STAU2: variants seen among roughly 807,000 people sequenced by gnomAD.
STAU2 encodes the protein staufen double-stranded RNA binding protein 2.
STAU2 carries 20 observed loss-of-function variants against 65.9 expected under a neutral mutation model. The ratio of observed to expected loss-of-function variants is 0.30; its 90% CI spans 0.21 to 0.44. The LOEUF (loss-of-function observed/expected upper bound fraction) is 0.44, where lower values mean the gene tolerates loss of function less well. Among genes scored for constraint, STAU2 ranks in the 20% least tolerant of loss-of-function variants. STAU2 has a pLI of 1.00. For missense variants in STAU2, 558 were observed against 683.9 expected, an observed-to-expected ratio of 0.82 and a Z score of 2.05; for synonymous variants, 232 against 233.9, an observed-to-expected ratio of 0.99 and a Z score of 0.07.
intron 13 of STAU2, among the ~76,000 whole-genome samples, chr8:73,502,711 T>C (rs1821833173): frequency 6.6e-6 from 1 of 152,112 alleles, no homozygotes; most frequent in African/African-American, 2.4e-5. Context: ...TAAAATTCCT[T>C]AAGCATTTTG....
chr8:73,624,907 G>A (rs1192689712), intron 6 of STAU2, among the ~76,000 whole-genome samples: 1 of 152,214 alleles, frequency 6.6e-6, no homozygotes, highest in Non-Finnish European at 1.5e-5. Context: ...AGAAGACCAA[G>A]TTGACTGCAA....
chr8:73,622,222 G>A (rs1224534354), intron 6 of STAU2, among the ~76,000 whole-genome samples: 3 of 103,280 alleles, frequency 2.9e-5, no homozygotes, highest in Non-Finnish European at 5.3e-5. Context: ...GCCCCCTGGG[G>A]TTCACGCCAT....
At chr8:73,747,338 C>T (rs115200959), upstream of STAU2, 42 of 1,528,486 alleles carry the variant, frequency 2.7e-5, no homozygotes, top group African/African-American at 5.4e-4. Context: ...CCCGACTGAC[C>T]GTCTGCTCTT....
chr8:73,616,759 C>G (rs1242457987), intron 7 of STAU2, among the ~76,000 whole-genome samples: 1 of 151,640 alleles, frequency 6.6e-6, no homozygotes, highest in African/African-American at 2.4e-5. Flanking sequence ...GATCCTGCCA[C>G]TGCATTCCAG....
chr8:73,738,436 C>A, intron 2 of STAU2, 87 bp from the exon 3 acceptor site: 1 of 908,626 alleles, frequency 1.1e-6, no homozygotes, highest in South Asian at 1.7e-5. Context: ...TGATCAAAAT[C>A]AAATATAAAA....
At chr8:73,465,006 CTTATAA>C (rs1008290538) in intron 13 of STAU2, among the ~76,000 whole-genome samples, 5 of 152,188 alleles carry the variant, frequency 3.3e-5, no homozygotes, top group Non-Finnish European at 5.9e-5. Context: ...AACCAAAAAA[CTTATAA>C]GAATAAACAG....
chr8:73,633,651 G>C (rs544844603), intron 6 of STAU2, among the ~76,000 whole-genome samples: 1 of 152,178 alleles, frequency 6.6e-6, no homozygotes, highest in South Asian at 2.1e-4. Context: ...AGTACATGAG[G>C]AGCTTTAAAA....
chr8:73,711,879 G>A (rs552678254), intron 3 of STAU2, among the ~76,000 whole-genome samples: 2 of 152,084 alleles, frequency 1.3e-5, no homozygotes, highest in African/African-American at 4.8e-5. Flanking sequence ...GTTTAAAGTT[G>A]ATAACTTAGG....
At chr8:73,714,227 T>C (rs1019739052) in intron 3 of STAU2, among the ~76,000 whole-genome samples, 1 of 152,146 alleles carries the variant, frequency 6.6e-6, no homozygotes, top group Non-Finnish European at 1.5e-5. Flanking sequence ...TATGTCTCTT[T>C]ACTGGTTCCC....
chr8:73,657,875 G>A (rs1816501160), intron 6 of STAU2, among the ~76,000 whole-genome samples: 2 of 151,982 alleles, frequency 1.3e-5, no homozygotes, highest in Admixed American at 1.3e-4. Context: ...TTAGCTGGGT[G>A]TGGTGGCGCA....
chr8:73,488,485 C>G (rs1317944910), intron 13 of STAU2, among the ~76,000 whole-genome samples: 1 of 151,854 alleles, frequency 6.6e-6, no homozygotes, highest in Non-Finnish European at 1.5e-5. Flanking sequence ...AATGACCACC[C>G]AATTAAGCTA....
intron 13 of STAU2, among the ~76,000 whole-genome samples, chr8:73,425,184 A>T (rs67232015): frequency 0.3 from 45,790 of 152,150 alleles, 7,702 homozygotes; most frequent in East Asian, 0.39. Context: ...ATGGGGCCTT[A>T]TAGAATGTGG....
At chr8:73,699,401 T>C (rs1389075598) in intron 4 of STAU2, among the ~76,000 whole-genome samples, 2 of 150,482 alleles carry the variant, frequency 1.3e-5, no homozygotes, top group African/African-American at 4.9e-5. Flanking sequence ...TTTGAGAAGA[T>C]AAACAAAATT....
intron 3 of STAU2, among the ~76,000 whole-genome samples, chr8:73,719,509 A>T (rs1208375470): frequency 6.6e-6 from 1 of 152,210 alleles, no homozygotes; most frequent in East Asian, 1.9e-4. Flanking sequence ...TAGTTTGCTG[A>T]GAGTCTTTAT....
chr8:73,510,553 CA>C (rs1429898036), intron 13 of STAU2, among the ~76,000 whole-genome samples: 1 of 152,140 alleles, frequency 6.6e-6, no homozygotes, highest in Non-Finnish European at 1.5e-5. Context: ...AAGACACACT[CA>C]AGACTGGGTA....
At chr8:73,744,297 C>T (rs769400879) in intron 1 of STAU2, among the ~76,000 whole-genome samples, 1 of 151,924 alleles carries the variant, frequency 6.6e-6, no homozygotes, top group Non-Finnish European at 1.5e-5. Flanking sequence ...ATAAGAGGCA[C>T]AAATATATCT....
Position 73,444,590 on chromosome 8 carries a change from C to T in STAU2, c.1531-21888G>A, listed in dbSNP as rs115273828. ...AAATGGTACCATGACATTGTACTCACTTGCTGAGGAATCTCTGTTCTATCC... is the reference window on the plus strand; with the variant it reads ...AAATGGTACCATGACATTGTACTCATTTGCTGAGGAATCTCTGTTCTATCC... On this transcript the variant is annotated intron_variant, in intron 13 of 14. Coordinates refer to ENST00000524300, the MANE Select transcript of STAU2 (RefSeq NM_001164380.2). Among the ~76,000 whole-genome samples, 531 of 152,232 alleles carry T rather than the reference C, an allele frequency of 3.5e-3. 4 individuals are homozygous for T. The highest frequency in any genetic ancestry group is 0.012 in the African/African-American group (507 of 41,538).
chr8:73,536,450 C>A (rs935567105), intron 13 of STAU2, among the ~76,000 whole-genome samples: 1 of 152,166 alleles, frequency 6.6e-6, no homozygotes, highest in East Asian at 1.9e-4. Context: ...TCCAGGGAAA[C>A]ACCATGGAAA....
At chr8:73,692,234 T>C (rs1819376067) in intron 4 of STAU2, among the ~76,000 whole-genome samples, 1 of 151,858 alleles carries the variant, frequency 6.6e-6, no homozygotes, top group Admixed American at 6.6e-5. Flanking sequence ...AGTCTTGCTC[T>C]GTCGCCAAGG....
Sources: gnomAD v4.1 joint callset for allele counts (sites outside exome capture counted in the v4.1 genomes callset) on GRCh38, gnomAD v4.1.1 for gene constraint, MANE v1.5 for transcripts, NCBI Gene and HGNC (gene_info 2026-07-23, HGNC 2026-07-21) for gene names.